CDH12: variants seen among roughly 807,000 people sequenced by gnomAD.
The protein encoded by CDH12 is cadherin 12.
CDH12 carries 41 observed loss-of-function variants against 74.1 expected under a neutral mutation model. The observed-to-expected ratio is 0.55, with a 90% CI of 0.43 to 0.72. The LOEUF is 0.72. Ranked by LOEUF, CDH12 falls within the 30% of genes least tolerant of loss-of-function variation. The probability of loss-of-function intolerance (pLI) is 0.00; values close to 1 mark genes in which losing one functional copy is unlikely to be tolerated. For synonymous variants in CDH12, 399 were observed against 355.0 expected, an observed-to-expected ratio of 1.12 and a Z score of -1.39; for missense variants, 945 against 977.2, an observed-to-expected ratio of 0.97 and a Z score of 0.44.
chr5:22,031,177 A>C (rs1738793471), intron 5 of CDH12, among the ~76,000 whole-genome samples: 1 of 152,004 alleles, frequency 6.6e-6, no homozygotes, highest in Non-Finnish European at 1.5e-5. Flanking sequence ...TACTAAAAAT[A>C]GAAAAAATTA....
At chr5:22,591,429 A>G (rs1201001131) in intron 1 of CDH12, among the ~76,000 whole-genome samples, 2 of 152,186 alleles carry the variant, frequency 1.3e-5, no homozygotes, top group Admixed American at 6.5e-5. Flanking sequence ...CATGTTTGTA[A>G]TTTTACAGTT....
chr5:22,724,185 T>C (rs980757121), intron 1 of CDH12, among the ~76,000 whole-genome samples: 1 of 151,858 alleles, frequency 6.6e-6, no homozygotes, highest in Non-Finnish European at 1.5e-5. Flanking sequence ...TCCCCTAAAC[T>C]TGTATTTTGA....
chr5:22,035,707 C>CACACAT (rs1026809602), intron 5 of CDH12, among the ~76,000 whole-genome samples: 2 of 103,140 alleles, frequency 1.9e-5, no homozygotes, highest in Admixed American at 9.6e-5. Flanking sequence ...TTTTACACTT[C>CACACAT]ACACATACAC....
At chr5:21,836,947 GA>G (rs1749569205) in intron 8 of CDH12, among the ~76,000 whole-genome samples, 1 of 151,784 alleles carries the variant, frequency 6.6e-6, no homozygotes, top group Admixed American at 6.6e-5. Context: ...ACCTTTATTT[GA>G]AGACCGTTTT....
At chr5:21,820,254 A>G (rs981494530) in intron 8 of CDH12, among the ~76,000 whole-genome samples, 3 of 152,006 alleles carry the variant, frequency 2.0e-5, no homozygotes, top group Admixed American at 6.6e-5. Context: ...AAAGAAAGCT[A>G]TTCTTTGTAG....
At chr5:22,475,493 A>G (rs2126613042) in intron 2 of CDH12, among the ~76,000 whole-genome samples, 1 of 152,142 alleles carries the variant, frequency 6.6e-6, no homozygotes, top group East Asian at 1.9e-4. Context: ...TAATATAAAT[A>G]CATTTCCAGC....
intron 6 of CDH12, among the ~76,000 whole-genome samples, chr5:21,936,442 CCTTGT>C (rs1755078051): frequency 6.6e-6 from 1 of 151,852 alleles, no homozygotes; most frequent in African/African-American, 2.4e-5. Context: ...TAAATATTTA[CCTTGT>C]CTCAGCCAAT....
chr5:22,175,681 C>G (rs1414688643), intron 4 of CDH12, among the ~76,000 whole-genome samples: 3 of 152,064 alleles, frequency 2.0e-5, no homozygotes, highest in African/African-American at 7.2e-5. Flanking sequence ...TAGGTGGTAT[C>G]TATGTAGGTC....
In CDH12 at chr5:22,341,265, T is replaced by C. The variant is rs368008502; in HGVS notation, c.-333+63992A>G. On this transcript the variant is annotated intron_variant, in intron 3 of 14. Transcript: ENST00000382254. ...CTGTATAAGTGAGGTAGGAGAATTC[T>C]TTGAGTCCAGGAGTTAAAGACCAGC... 1.0e-3 allele frequency among the ~76,000 whole-genome samples: 159 copies of C among 152,248 alleles called. 3 individuals carry two copies. The South Asian group carries it at 0.031, about 29-fold the overall frequency.
At chr5:22,701,458 A>G (rs982498914) in intron 1 of CDH12, among the ~76,000 whole-genome samples, 3 of 152,120 alleles carry the variant, frequency 2.0e-5, no homozygotes, top group African/African-American at 7.2e-5. Flanking sequence ...AAATTTCAGG[A>G]CTTCTTGTCC....
At chr5:22,048,442 AT>A (rs1740117153) in intron 5 of CDH12, among the ~76,000 whole-genome samples, 1 of 151,984 alleles carries the variant, frequency 6.6e-6, no homozygotes, top group Non-Finnish European at 1.5e-5. Context: ...GTTGTTGGGG[AT>A]TTCGAGTTGT....
chr5:21,809,237 G>C (rs1006642981), intron 9 of CDH12, among the ~76,000 whole-genome samples: 3 of 151,746 alleles, frequency 2.0e-5, no homozygotes, highest in Non-Finnish European at 2.9e-5. Context: ...GTAATTTTTG[G>C]AATAAATTTA....
At chr5:22,278,897 T>A (rs1476906569) in intron 3 of CDH12, among the ~76,000 whole-genome samples, 2 of 152,182 alleles carry the variant, frequency 1.3e-5, no homozygotes, top group Admixed American at 6.6e-5. Flanking sequence ...TTCAAATCTC[T>A]TTGGATGAAT....
At chr5:22,371,438 A>C (rs1353920651) in intron 3 of CDH12, among the ~76,000 whole-genome samples, 2 of 152,224 alleles carry the variant, frequency 1.3e-5, no homozygotes, top group African/African-American at 4.8e-5. Flanking sequence ...TCTATTTTTA[A>C]ATTTGAAAAT....
chr5:22,163,674 T>C (rs1434439197), intron 4 of CDH12, among the ~76,000 whole-genome samples: 1 of 152,208 alleles, frequency 6.6e-6, no homozygotes, highest in Non-Finnish European at 1.5e-5. Flanking sequence ...GCCTGAAGTA[T>C]TGCCATTTGT....
At chr5:22,817,693 T>G (rs1749461807) in intron 1 of CDH12, among the ~76,000 whole-genome samples, 1 of 152,170 alleles carries the variant, frequency 6.6e-6, no homozygotes, top group African/African-American at 2.4e-5. Flanking sequence ...TGCATCATAA[T>G]TTCAATATAA....
chr5:22,629,885 G>C (rs920601894), intron 1 of CDH12, among the ~76,000 whole-genome samples: 6 of 151,774 alleles, frequency 4.0e-5, no homozygotes, highest in Admixed American at 6.6e-5. Flanking sequence ...AAAGCTCCTA[G>C]GTCTGATAAA....
intron 3 of CDH12, among the ~76,000 whole-genome samples, chr5:22,280,935 G>T (rs187169554): frequency 2.0e-5 from 3 of 152,174 alleles, no homozygotes; most frequent in Admixed American, 1.3e-4. Context: ...GAGAATTTTA[G>T]ACCAATATCC....
intron 1 of CDH12, among the ~76,000 whole-genome samples, chr5:22,548,262 T>C (rs1738414769): frequency 6.6e-6 from 1 of 152,172 alleles, no homozygotes; most frequent in African/African-American, 2.4e-5. Flanking sequence ...TTTATGCTTA[T>C]AGATTATTGT....
Sources: gnomAD v4.1 joint callset for allele counts (sites outside exome capture counted in the v4.1 genomes callset) on GRCh38, gnomAD v4.1.1 for gene constraint, MANE v1.5 for transcripts, NCBI Gene and HGNC (gene_info 2026-07-23, HGNC 2026-07-21) for gene names.